Variants in SLC35F4 observed in about 807,000 individuals in gnomAD.
SLC35F4 encodes the protein chromosome 14 open reading frame 36.
A neutral mutation model predicts 44.2 loss-of-function variants in SLC35F4; 24 were observed. The observed-to-expected ratio is 0.54, with a 90% CI of 0.39 to 0.76. The LOEUF is 0.76. SLC35F4 is among the 30% of genes least tolerant of loss of function. SLC35F4 has a pLI of 0.00. For missense variants in SLC35F4, 562 were observed against 586.1 expected (o/e 0.96, Z 0.42); for synonymous variants, 238 against 223.6 (o/e 1.06, Z -0.57).
chr14:57,914,000 A>T (rs1427929680), intron 1 of SLC35F4, among the ~76,000 whole-genome samples: 2 of 151,896 alleles, frequency 1.3e-5, no homozygotes, highest in Admixed American at 6.6e-5. Context: ...ATTTCACTCC[A>T]CTCTCTTCTT....
intron 1 of SLC35F4, among the ~76,000 whole-genome samples, chr14:57,928,292 C>T (rs1413901834): frequency 6.6e-6 from 1 of 152,212 alleles, no homozygotes; most frequent in Non-Finnish European, 1.5e-5. Flanking sequence ...AGAGCCTGTA[C>T]TTCTATCCCT....
At position 57,735,661 on chromosome 14, in the gene SLC35F4, T is replaced by G. The variant is rs192596064; in HGVS notation, c.103+130062A>C. Among the ~76,000 whole-genome samples, 15 of 152,222 alleles carry G rather than the reference T, an allele frequency of 9.9e-5. No individual in the cohort carries two copies. The East Asian group carries it at 2.9e-3, about 29-fold the overall frequency. ...AGGCCTCACCCTGGAAGATGCATAA[T>G]GTTATTGCCACTGCATTCTATTGCT... On this transcript the variant is annotated intron_variant, in intron 1 of 7. Coordinates refer to ENST00000556826, the MANE Select transcript of SLC35F4 (RefSeq NM_001306087.2).
chr14:57,586,558 A>G (rs529626044), intron 3 of SLC35F4, among the ~76,000 whole-genome samples: 6 of 151,544 alleles, frequency 4.0e-5, no homozygotes, highest in Non-Finnish European at 7.4e-5. Context: ...TCTACTAAAA[A>G]ATACAAAAAA....
chr14:57,676,137 G>A (rs62004039), intron 1 of SLC35F4, among the ~76,000 whole-genome samples: 36,168 of 151,860 alleles, frequency 0.24, 4,368 homozygotes, highest in South Asian at 0.31. Flanking sequence ...TAATCCCATC[G>A]AAAAGCAGGC....
chr14:57,592,574 G>T (rs1484003786), intron 2 of SLC35F4, among the ~76,000 whole-genome samples: 1 of 152,138 alleles, frequency 6.6e-6, no homozygotes. Context: ...AACAACTGGG[G>T]TAATAGGAAT....
intron 1 of SLC35F4, among the ~76,000 whole-genome samples, chr14:57,769,385 C>A (rs35393853): frequency 0.11 from 17,167 of 152,012 alleles, 1,246 homozygotes; most frequent in South Asian, 0.18. Context: ...TGAATTTATT[C>A]TCTGAAAAAA....
intron 1 of SLC35F4, among the ~76,000 whole-genome samples, chr14:57,711,308 C>G (rs2075812788): frequency 6.6e-6 from 1 of 152,130 alleles, no homozygotes; most frequent in Non-Finnish European, 1.5e-5. Flanking sequence ...GCCTTCCCAG[C>G]CAGGCAGAAC....
At chr14:57,584,841 A>ATAT in intron 3 of SLC35F4, among the ~76,000 whole-genome samples, 1 of 152,254 alleles carries the variant, frequency 6.6e-6, no homozygotes, top group African/African-American at 2.4e-5. Flanking sequence ...TTGTTGTTTT[A>ATAT]AATCAATGTG....
chr14:57,975,249 T>C (rs937523726), downstream of SLC35F4, among the ~76,000 whole-genome samples: 2 of 152,150 alleles, frequency 1.3e-5, no homozygotes, highest in Non-Finnish European at 2.9e-5. Context: ...TGGCTTCCCC[T>C]CCACTGGCAA....
At chr14:57,865,276 C>T (rs1463599710) in intron 1 of SLC35F4, among the ~76,000 whole-genome samples, 1 of 151,980 alleles carries the variant, frequency 6.6e-6, no homozygotes, top group African/African-American at 2.4e-5. Flanking sequence ...CCGCCCCCGC[C>T]AGCCCCACCC....
At chr14:57,939,503 C>T (rs1234165722) in intron 1 of SLC35F4, among the ~76,000 whole-genome samples, 1 of 152,194 alleles carries the variant, frequency 6.6e-6, no homozygotes, top group Non-Finnish European at 1.5e-5. Flanking sequence ...CACTAAGGAC[C>T]ATGGGTCTTC....
chr14:57,732,346 A>G (rs952691443), intron 1 of SLC35F4, among the ~76,000 whole-genome samples: 4 of 152,162 alleles, frequency 2.6e-5, no homozygotes, highest in Admixed American at 1.3e-4. Context: ...ATTACAAACT[A>G]AAGTATAAAA....
At chr14:57,630,691 A>T (rs886705431) in intron 1 of SLC35F4, 4 of 589,744 alleles carry the variant, frequency 6.8e-6, no homozygotes, top group Non-Finnish European at 1.2e-5. Context: ...GGCCATTGAC[A>T]GTATAAACCA....
At chr14:57,713,937 G>C (rs1284481524) in intron 1 of SLC35F4, among the ~76,000 whole-genome samples, 2 of 152,022 alleles carry the variant, frequency 1.3e-5, no homozygotes, top group Admixed American at 1.3e-4. Flanking sequence ...GCTTCTTTCT[G>C]CTCAAAATAC....
chr14:57,587,570 T>C (rs2069843453), intron 3 of SLC35F4, among the ~76,000 whole-genome samples: 1 of 152,052 alleles, frequency 6.6e-6, no homozygotes, highest in Admixed American at 6.5e-5. Flanking sequence ...AGTTGAACAA[T>C]GAGAACACAT....
intron 3 of SLC35F4, among the ~76,000 whole-genome samples, chr14:57,588,400 C>T (rs986562781): frequency 6.6e-6 from 1 of 151,454 alleles, no homozygotes; most frequent in African/African-American, 2.4e-5. Context: ...TCCTAGAAGT[C>T]ACTTCTCAGC....
At chr14:57,982,473 G>C (rs1444039004), upstream of SLC35F4, among the ~76,000 whole-genome samples, 1 of 152,122 alleles carries the variant, frequency 6.6e-6, no homozygotes, top group Non-Finnish European at 1.5e-5. Context: ...TTGTTGTGTT[G>C]AGGAAGGGTT....
intron 1 of SLC35F4, among the ~76,000 whole-genome samples, chr14:57,929,913 T>C (rs540729575): frequency 3.9e-5 from 6 of 152,168 alleles, no homozygotes; most frequent in Non-Finnish European, 8.8e-5. Context: ...GTCTGGGTGC[T>C]TTTTTTCCCT....
At chr14:57,612,469 C>T (rs1010304388) in intron 1 of SLC35F4, among the ~76,000 whole-genome samples, 1 of 152,336 alleles carries the variant, frequency 6.6e-6, no homozygotes, top group South Asian at 2.1e-4. Flanking sequence ...TTACCTATAG[C>T]GGCATTCCTT....
Sources: gnomAD v4.1 joint callset for allele counts (sites outside exome capture counted in the v4.1 genomes callset) on GRCh38, gnomAD v4.1.1 for gene constraint, MANE v1.5 for transcripts, NCBI Gene and HGNC (gene_info 2026-07-23, HGNC 2026-07-21) for gene names.